UCHL5: variants seen among roughly 807,000 people sequenced by gnomAD.
UCHL5 encodes the protein ubiquitin C-terminal hydrolase L5, also known as ubiquitin carboxyl-terminal hydrolase isozyme L5.
In UCHL5, 34 loss-of-function variants were observed where a neutral mutation model predicts 53.8. The observed-to-expected ratio is 0.63, with a 90% confidence interval of 0.48 to 0.84. The LOEUF (loss-of-function observed/expected upper bound fraction) is 0.84. UCHL5 is among the 40% of genes least tolerant of loss of function. UCHL5 has a pLI of 0.00. For missense variants in UCHL5, 290 were observed against 385.6 expected (o/e 0.75, Z 2.08); for synonymous variants, 111 against 126.3 (o/e 0.88, Z 0.81).
intron 10 of UCHL5, chr1:193,018,828 C>A: frequency 6.4e-7 from 1 of 1,563,582 alleles, no homozygotes; most frequent in Non-Finnish European, 8.7e-7. Flanking sequence ...TCCCTGAAAA[C>A]AAAACACAGT....
intron 3 of UCHL5, among the ~76,000 whole-genome samples, chr1:193,043,318 T>G (rs937264918): frequency 6.6e-6 from 1 of 152,106 alleles, no homozygotes; most frequent in Admixed American, 6.5e-5. Context: ...ATTGGTCTTC[T>G]TCCTGTACCT....
At chr1:193,019,801 T>G (rs1295675892) in intron 10 of UCHL5, 3 of 899,736 alleles carry the variant, frequency 3.3e-6, no homozygotes, top group Admixed American at 6.2e-5. Context: ...CACAAAAAAT[T>G]CTGTTCACAG....
intron 7 of UCHL5, among the ~76,000 whole-genome samples, chr1:193,026,627 C>G (rs561300428): frequency 6.6e-6 from 1 of 151,558 alleles, no homozygotes; most frequent in South Asian, 2.1e-4. Context: ...GGAACTAGAC[C>G]GTTCATATAT....
intron 3 of UCHL5, among the ~76,000 whole-genome samples, chr1:193,039,363 C>G (rs1467876609): frequency 6.6e-6 from 1 of 152,030 alleles, no homozygotes; most frequent in African/African-American, 2.4e-5. Context: ...GAGCCAAGAT[C>G]GTGCCACTAC....
chr1:193,052,840 A>G (rs12758841), intron 1 of UCHL5, among the ~76,000 whole-genome samples: 3,855 of 152,298 alleles, frequency 0.025, 76 homozygotes, highest in Middle Eastern at 0.13. Flanking sequence ...TGCAGCTAGT[A>G]TGTGCCAGAA....
At chr1:193,018,680 A>G in intron 10 of UCHL5, 1 of 1,299,456 alleles carries the variant, frequency 7.7e-7, no homozygotes, top group South Asian at 2.6e-5. Context: ...GTCATCACAG[A>G]TTATAGGCAA....
At chr1:193,037,305 C>A (rs1663887935) in intron 3 of UCHL5, among the ~76,000 whole-genome samples, 1 of 151,852 alleles carries the variant, frequency 6.6e-6, no homozygotes, top group African/African-American at 2.4e-5. Context: ...AAAAAGGACA[C>A]ATAACATCTG....
At chr1:193,050,689 T>C (rs933576961) in intron 2 of UCHL5, among the ~76,000 whole-genome samples, 2 of 151,232 alleles carry the variant, frequency 1.3e-5, no homozygotes, top group Non-Finnish European at 2.9e-5. Context: ...GAGACTGCAG[T>C]GAGCCGAAAT....
At chr1:193,050,470 A>C (rs1001569799) in intron 2 of UCHL5, among the ~76,000 whole-genome samples, 1 of 152,086 alleles carries the variant, frequency 6.6e-6, no homozygotes, top group Non-Finnish European at 1.5e-5. Flanking sequence ...TGGTGTCTCA[A>C]GCCTGTAATT....
chr1:193,044,544 GAC>G (rs142539874), intron 3 of UCHL5, among the ~76,000 whole-genome samples: 2 of 151,284 alleles, frequency 1.3e-5, no homozygotes, highest in African/African-American at 2.4e-5. Context: ...ATGATACACA[GAC>G]ACACACACAC....
At chr1:193,053,041 A>T (rs1169120397) in intron 1 of UCHL5, among the ~76,000 whole-genome samples, 1 of 152,226 alleles carries the variant, frequency 6.6e-6, no homozygotes, top group Non-Finnish European at 1.5e-5. Context: ...TGCTCTATTC[A>T]GCAAATATCT....
At position 193,013,594 on chromosome 1, in the gene UCHL5, T is replaced by A. The variant is rs1654465029; in HGVS notation, c.*2757A>T. 6.6e-6 allele frequency: 1 copy of A among 152,218 alleles called. No individual in the cohort carries two copies. Among genetic ancestry groups the A allele is most frequent in the Admixed American group, 6.5e-5 (1 of 15,268 alleles). The allele number at this position is 152,218 out of a possible 1,614,324, so 9.4% of individuals were successfully genotyped here. On this transcript the variant is annotated 3_prime_UTR_variant, in exon 11 of 11. Coordinates refer to ENST00000367454, the MANE Select transcript of UCHL5 (RefSeq NM_001199261.3). ...AATATGGTAATTTAAATTTTATTTT[T>A]ACTTATCTGTTTTCTCTAAATGGTT...
At chr1:193,041,012 G>A (rs531152554) in intron 3 of UCHL5, among the ~76,000 whole-genome samples, 2 of 152,076 alleles carry the variant, frequency 1.3e-5, no homozygotes, top group Non-Finnish European at 2.9e-5. Flanking sequence ...GAGGATGAAG[G>A]GAGTTTCATT....
At chr1:193,029,344 A>G in intron 5 of UCHL5, 35 bp from the exon 6 acceptor site, 1 of 1,613,206 alleles carries the variant, frequency 6.2e-7, no homozygotes, top group South Asian at 1.1e-5. Flanking sequence ...AACTCAAAGA[A>G]GCAAAGAAAG....
intron 3 of UCHL5, among the ~76,000 whole-genome samples, chr1:193,042,443 T>C (rs1361107280): frequency 6.6e-6 from 1 of 152,214 alleles, no homozygotes; most frequent in Non-Finnish European, 1.5e-5. Context: ...AGGATTCTTA[T>C]AATCCCATTC....
intron 3 of UCHL5, among the ~76,000 whole-genome samples, chr1:193,044,844 G>A (rs1427344479): frequency 6.6e-6 from 1 of 152,082 alleles, no homozygotes; most frequent in African/African-American, 2.4e-5. Context: ...TAAAAAGACT[G>A]ACAGATATTA....
intron 10 of UCHL5, chr1:193,018,770 G>A (rs1411141350): frequency 1.3e-6 from 2 of 1,538,238 alleles, no homozygotes; most frequent in Admixed American, 4.1e-5. Context: ...TATCTTTCCT[G>A]TTTGTTTCCT....
chr1:193,059,671 G>A (rs1672226256), upstream of UCHL5: 1 of 1,371,948 alleles, frequency 7.3e-7, no homozygotes, highest in Non-Finnish European at 9.7e-7. This position sits in a 1 kb window ranked among gnomAD's most constrained non-coding sequence, Gnocchi z 4.9. Context: ...TGCTGTTGCT[G>A]TGGCTGTCGC....
intron 3 of UCHL5, among the ~76,000 whole-genome samples, chr1:193,033,206 G>A (rs953117034): frequency 1.3e-5 from 2 of 152,140 alleles, no homozygotes; most frequent in Non-Finnish European, 2.9e-5. Context: ...CATAAAAAAG[G>A]ATGAGTTCAT....
Sources: allele counts gnomAD v4.1 joint callset (sites outside exome capture counted in the v4.1 genomes callset), GRCh38; gene constraint gnomAD v4.1.1; non-coding constraint Gnocchi (gnomAD v3.1); transcripts MANE v1.5; gene names NCBI Gene and HGNC (gene_info 2026-07-23, HGNC 2026-07-21).